ABL2: variants seen among roughly 807,000 people sequenced by gnomAD.
ABL2 encodes the protein ABL proto-oncogene 2, non-receptor tyrosine kinase.
Under a neutral mutation model 107.7 loss-of-function variants are expected in ABL2, and 49 were observed. The ratio of observed to expected loss-of-function variants is 0.45; its 90% CI spans 0.36 to 0.58. The LOEUF (loss-of-function observed/expected upper bound fraction) is 0.58. ABL2 is among the 20% of genes least tolerant of loss of function. The pLI, the probability that ABL2 is intolerant of heterozygous loss-of-function variation, is 0.00. For missense variants in ABL2, 1,245 were observed against 1,457.0 expected, an observed-to-expected ratio of 0.85 and a Z score of 2.37; for synonymous variants, 549 against 548.6, an observed-to-expected ratio of 1.00 and a Z score of -0.01.
At chr1:179,120,448 G>A (rs539654025) in intron 5 of ABL2, among the ~76,000 whole-genome samples, 174 bp from the exon 6 acceptor site, 1 of 151,958 alleles carries the variant, frequency 6.6e-6, no homozygotes, top group African/African-American at 2.4e-5. Context: ...TTATTTTTTT[G>A]AGACACGGTC....
intron 1 of ABL2, among the ~76,000 whole-genome samples, chr1:179,196,074 G>A (rs1349334138): frequency 3.9e-5 from 6 of 152,204 alleles, no homozygotes; most frequent in Non-Finnish European, 8.8e-5. Context: ...CGGATCACTT[G>A]AGGCCAGGAG....
intron 1 of ABL2, 40 bp from the exon 2 acceptor site, chr1:179,133,414 C>G (rs1056549617): frequency 6.2e-7 from 1 of 1,613,824 alleles, no homozygotes; most frequent in African/African-American, 1.3e-5. Context: ...TTTTCTTAAG[C>G]TTCTTCAATA....
intron 1 of ABL2, among the ~76,000 whole-genome samples, chr1:179,188,404 G>A (rs1660800883): frequency 6.6e-6 from 1 of 152,018 alleles, no homozygotes; most frequent in South Asian, 2.1e-4. Context: ...AAAAATAGCG[G>A]GACGTGGTGG....
Position 179,198,071 on chromosome 1 carries a change from GCTGAAGTGCGACGGTCCC to G in ABL2, c.157+31152_157+31169del, listed in dbSNP as rs528050551. On this transcript the variant is annotated intron_variant, in intron 1 of 11. Transcript: ENST00000502732. Reference sequence around the variant, plus strand: ...GTCTATAGTCCCGGCTACTTGACAGGCTGAAGTGCGACGGTCCCCTGAGCCTGAGGAGGTCAAAGCTGC... The same window carrying G: ...GTCTATAGTCCCGGCTACTTGACAGGCTGAGCCTGAGGAGGTCAAAGCTGC... Among the ~76,000 whole-genome samples the G allele has an allele frequency of 1.8e-3, 270 of 151,328 alleles. 1 individual carries two copies. Among genetic ancestry groups the G allele is most frequent in the Non-Finnish European group, 2.8e-3 (189 of 67,914 alleles).
chr1:179,160,307 A>G (rs1341014371), intron 1 of ABL2, among the ~76,000 whole-genome samples: 1 of 152,042 alleles, frequency 6.6e-6, no homozygotes, highest in Non-Finnish European at 1.5e-5. Context: ...TGAGGCCAGG[A>G]GTTCAAGACC....
Position 179,108,944 on chromosome 1 carries a change from A to G in ABL2, c.2323T>C (p.Ser775Pro), listed in dbSNP as rs1162428112. 36 of 1,613,946 alleles carry G rather than the reference A, an allele frequency of 2.2e-5. No individual in the cohort carries two copies. Among genetic ancestry groups the G allele is most frequent in the Non-Finnish European group, 3.0e-5 (35 of 1,180,026 alleles). Residue 775 changes from serine (S) to proline (P), a missense_variant, in exon 12 of 12, where the codon TCC (serine) becomes CCC (proline). Around this residue, in one of 3 missense-constraint regions of ABL2, gnomAD observed 761 missense variants for 766.4 expected, o/e 0.99. Transcript: ENST00000502732. ...GAGTTTGACCTTGGAAAAGGCTTGG[A>G]AGTGTCATCACTGGCTGTGGGTTTA... ...AGKPTASDDT[S>P]KPFPRSNSTS... is the part of the protein sequence containing the mutation.
At chr1:179,184,242 A>C (rs984563529) in intron 1 of ABL2, 4 of 526,512 alleles carry the variant, frequency 7.6e-6, no homozygotes, top group Non-Finnish European at 1.4e-5. Context: ...AGGTTACAGA[A>C]TAGACTTTTA....
chr1:179,172,984 G>A (rs544442844), intron 1 of ABL2, among the ~76,000 whole-genome samples: 11 of 152,128 alleles, frequency 7.2e-5, no homozygotes, highest in Non-Finnish European at 1.6e-4. Context: ...GAGGCCAGGA[G>A]TTCGAGACTA....
chr1:179,160,485 G>A lies in ABL2; in HGVS notation c.158-27111C>T, dbSNP rs115863902. ...AACAAATATAAATATATAATTATTAGATTAGTATGTATACAATTAGTACAT... is the reference window on the plus strand; with the variant it reads ...AACAAATATAAATATATAATTATTAAATTAGTATGTATACAATTAGTACAT... On this transcript the variant is annotated intron_variant, in intron 1 of 11. Coordinates refer to ENST00000502732, the MANE Select transcript of ABL2 (RefSeq NM_007314.4). Among the ~76,000 whole-genome samples, 357 of 151,884 alleles carry A rather than the reference G, an allele frequency of 2.4e-3. 2 individuals are homozygous for A. Among genetic ancestry groups the A allele is most frequent in the African/African-American group, 8.4e-3 (346 of 41,410 alleles).
rs1416792996 is a variant in ABL2 at position 179,105,416 on chromosome 1, A to G, written c.*2302T>C. 4.3e-6 allele frequency: 1 copy of G among 231,418 alleles called. No individual in the cohort carries two copies. Among genetic ancestry groups the G allele is most frequent in the African/African-American group, 2.2e-5 (1 of 45,382 alleles). 14.3% of individuals were successfully genotyped at this position (231,418 alleles called of 1,614,324 possible). A position where few individuals can be genotyped will look rare whatever the true frequency, so the allele number is the denominator to read the frequency against. On this transcript the variant is annotated 3_prime_UTR_variant, in exon 12 of 12. Transcript: ENST00000502732. ...AAAAAGCAGCATAATAATATTCTACAGTTTTAGCTTTCCCATCCTCGACCT... is the reference window on the plus strand; with the variant it reads ...AAAAAGCAGCATAATAATATTCTACGGTTTTAGCTTTCCCATCCTCGACCT...
chr1:179,160,463 A>C (rs1193890148), intron 1 of ABL2, among the ~76,000 whole-genome samples: 1 of 152,112 alleles, frequency 6.6e-6, no homozygotes, highest in African/African-American at 2.4e-5. Flanking sequence ...CTTTTGGAAC[A>C]AATATAAATA....
At chr1:179,120,117 C>A in intron 6 of ABL2, 73 bp downstream of exon 6, 2 of 908,664 alleles carry the variant, frequency 2.2e-6, no homozygotes, top group African/African-American at 1.7e-5. Flanking sequence ...AAAAAAAAAG[C>A]ATTTGGAGAT....
At chr1:179,201,926 AGG>A in intron 1 of ABL2, 1 of 1,244,258 alleles carries the variant, frequency 8.0e-7, no homozygotes, top group African/African-American at 1.6e-5. Context: ...ACCTCATCTG[AGG>A]GGCTGTCCTG....
chr1:179,218,384 C>T (rs1662694686), intron 1 of ABL2, among the ~76,000 whole-genome samples: 2 of 150,452 alleles, frequency 1.3e-5, no homozygotes, highest in Admixed American at 1.4e-4. Flanking sequence ...ATTCAATCAC[C>T]TCTGATCAAG....
chr1:179,211,450 A>T (rs895299446), intron 1 of ABL2, among the ~76,000 whole-genome samples: 1 of 152,122 alleles, frequency 6.6e-6, no homozygotes, highest in Admixed American at 6.6e-5. Flanking sequence ...TGAGCCTAGG[A>T]GGTCAAGGCT....
At chr1:179,197,557 A>C (rs1244462981) in intron 1 of ABL2, among the ~76,000 whole-genome samples, 1 of 118,326 alleles carries the variant, frequency 8.5e-6, no homozygotes, top group East Asian at 2.1e-4. Flanking sequence ...TGCTTGGTTC[A>C]AAAAAAAAAA....
intron 1 of ABL2, among the ~76,000 whole-genome samples, chr1:179,164,091 G>C (rs1414481016): frequency 1.3e-5 from 2 of 152,152 alleles, no homozygotes; most frequent in Non-Finnish European, 2.9e-5. Flanking sequence ...CAGTCTTTTG[G>C]GGTGATGAAA....
At chr1:179,153,454 A>T (rs1426540795) in intron 1 of ABL2, among the ~76,000 whole-genome samples, 1 of 152,166 alleles carries the variant, frequency 6.6e-6, no homozygotes, top group Non-Finnish European at 1.5e-5. Flanking sequence ...AGGAGAATCC[A>T]TTCCTTGCCC....
chr1:179,173,330 C>A (rs190474378), intron 1 of ABL2, among the ~76,000 whole-genome samples: 211 of 150,978 alleles, frequency 1.4e-3, no homozygotes, highest in African/African-American at 5.0e-3. Context: ...ATAACATAGC[C>A]ACAAACATTA....
Sources: gnomAD v4.1 joint callset for allele counts (sites outside exome capture counted in the v4.1 genomes callset) on GRCh38, gnomAD v4.1.1 for gene constraint, gnomAD v4.1.1 regional missense constraint, MANE v1.5 for transcripts, NCBI Gene and HGNC (gene_info 2026-07-23, HGNC 2026-07-21) for gene names.